MBD5: variants seen among roughly 807,000 people sequenced by gnomAD.
The protein encoded by MBD5 is methyl-CpG binding domain protein 5.
A neutral mutation model predicts 117.3 loss-of-function variants in MBD5; 13 were observed. The ratio of observed to expected loss-of-function variants is 0.11; its 90% confidence interval spans 0.07 to 0.18. MBD5 has a LOEUF of 0.18. Among genes scored for constraint, MBD5 ranks in the 10% least tolerant of loss-of-function variants. The probability of loss-of-function intolerance (pLI) is 1.00; values close to 1 mark genes in which losing one functional copy is unlikely to be tolerated. For synonymous variants in MBD5, 727 were observed against 766.4 expected (o/e 0.95, Z 0.85); for missense variants, 1,879 against 2,093.8 (o/e 0.90, Z 2.00).
intron 2 of MBD5, among the ~76,000 whole-genome samples, chr2:148,202,625 A>T (rs1028817118): frequency 6.6e-6 from 1 of 152,224 alleles, no homozygotes; most frequent in Non-Finnish European, 1.5e-5. Context: ...ACTATTAGTG[A>T]GTTTTGCACT....
At chr2:148,413,964 C>T (rs1361257759) in intron 4 of MBD5, among the ~76,000 whole-genome samples, 1 of 144,756 alleles carries the variant, frequency 6.9e-6, no homozygotes, top group Non-Finnish European at 1.5e-5. Flanking sequence ...GGTTTTTTGC[C>T]TCTTAATTTA....
rs1696314178 is a variant in MBD5 at position 148,104,392 on chromosome 2, C to G, written c.-924-74308C>G. Among the ~76,000 whole-genome samples, 7 of 152,178 alleles carry G rather than the reference C, an allele frequency of 4.6e-5. No homozygotes were observed. In the South Asian group the frequency reaches 1.5e-3, roughly 32 times the overall value. On this transcript the variant is annotated intron_variant, in intron 1 of 13. Coordinates refer to ENST00000642680, the MANE Select transcript of MBD5 (RefSeq NM_001378120.1). Reference sequence around the variant, plus strand: ...AGATGGTGTTTGCAGAGGAAAAGGCCTGAATTTGTTACCCATGAAACACTA... The same window carrying G: ...AGATGGTGTTTGCAGAGGAAAAGGCGTGAATTTGTTACCCATGAAACACTA...
chr2:148,499,243 CAGT>C (rs1313280061), intron 11 of MBD5, among the ~76,000 whole-genome samples: 1 of 152,176 alleles, frequency 6.6e-6, no homozygotes, highest in African/African-American at 2.4e-5. Context: ...GTCGAGGCTG[CAGT>C]GAGCCAAGGT....
intron 4 of MBD5, among the ~76,000 whole-genome samples, chr2:148,447,162 AG>A (rs1374128232): frequency 2.9e-5 from 4 of 139,090 alleles, no homozygotes; most frequent in African/African-American, 1.1e-4. Context: ...AAGGAAAGAA[AG>A]GAAGAAAGGA....
intron 3 of MBD5, among the ~76,000 whole-genome samples, chr2:148,239,707 A>ACACACACT (rs1467824237): frequency 6.6e-6 from 1 of 151,808 alleles, no homozygotes; most frequent in Admixed American, 6.6e-5. Flanking sequence ...ACACACACAC[A>ACACACACT]CACACACACA....
At chr2:148,267,847 T>G (rs1700893003) in intron 3 of MBD5, among the ~76,000 whole-genome samples, 1 of 152,144 alleles carries the variant, frequency 6.6e-6, no homozygotes, top group Non-Finnish European at 1.5e-5. Context: ...TCCCACTGAT[T>G]CTAATAATAC....
chr2:148,294,197 T>G (rs1330429710), intron 3 of MBD5, among the ~76,000 whole-genome samples: 1 of 256 alleles, frequency 3.9e-3, no homozygotes, highest in African/African-American at 5.0e-3. Flanking sequence ...CAGAATGAAG[T>G]TTTTTTTTTT....
intron 4 of MBD5, among the ~76,000 whole-genome samples, chr2:148,416,300 C>T (rs1245497983): frequency 6.6e-6 from 1 of 152,174 alleles, no homozygotes; most frequent in Non-Finnish European, 1.5e-5. Context: ...CAGCTTTGTT[C>T]TCTGGCTCTT....
intron 7 of MBD5, among the ~76,000 whole-genome samples, chr2:148,466,679 G>T (rs976181680): frequency 4.6e-5 from 7 of 152,062 alleles, no homozygotes; most frequent in Admixed American, 1.3e-4. Context: ...AAGAAAATAA[G>T]CTTCAGTTGA....
At chr2:148,442,089 T>A (rs1212071678) in intron 4 of MBD5, among the ~76,000 whole-genome samples, 1 of 151,980 alleles carries the variant, frequency 6.6e-6, no homozygotes, top group East Asian at 1.9e-4. Context: ...TTCTTTGCTG[T>A]GCAGAAGCTC....
In MBD5 at chr2:148,238,989, ACT is replaced by A. The variant is rs559375560; in HGVS notation, c.-680+5597_-680+5598del. On this transcript the variant is annotated intron_variant, in intron 3 of 13. Coordinates refer to ENST00000642680, the MANE Select transcript of MBD5 (RefSeq NM_001378120.1). ...TTGGAGAAACATAATTCAACCCATA[ACT>A]CTATCATATATATATATATATATTA... Among the ~76,000 whole-genome samples, 16 of 146,460 alleles carry A rather than the reference ACT, an allele frequency of 1.1e-4. 1 individual carries two copies. The South Asian group carries it at 3.4e-3, about 32-fold the overall frequency.
At chr2:148,458,170 A>G (rs1055066216) in intron 4 of MBD5, 33 bp from the exon 5 acceptor site, 1 of 398,890 alleles carries the variant, frequency 2.5e-6, no homozygotes, top group Non-Finnish European at 4.4e-6. Flanking sequence ...TCAACATTAA[A>G]TATACAAGTT....
At chr2:148,401,373 C>G (rs1391939051) in intron 4 of MBD5, among the ~76,000 whole-genome samples, 2 of 151,814 alleles carry the variant, frequency 1.3e-5, no homozygotes, top group South Asian at 2.1e-4. Context: ...AACATAGAAA[C>G]AGTTTTATTC....
In MBD5 at chr2:148,068,126, G is replaced by A. The variant is rs576581374; in HGVS notation, c.-925+46442G>A. ...AGAAATATTGGCTCTGGTGGGGCAT[G>A]AAGCCTCTAGGTCAGTGCAGCTCCC... is the stretch of plus-strand genomic sequence containing the variant. On this transcript the variant is annotated intron_variant, in intron 1 of 13. Transcript: ENST00000642680. Among the ~76,000 whole-genome samples the A allele has an allele frequency of 6.6e-5, 10 of 152,234 alleles. No individual in the cohort carries two copies. The South Asian group carries it at 1.9e-3, about 28-fold the overall frequency.
intron 1 of MBD5, among the ~76,000 whole-genome samples, chr2:148,167,979 G>C (rs1356759774): frequency 6.6e-6 from 1 of 152,008 alleles, no homozygotes; most frequent in Non-Finnish European, 1.5e-5. Context: ...TTACCATATT[G>C]CTTTAGACCT....
At chr2:148,062,825 C>T (rs1488806119) in intron 1 of MBD5, among the ~76,000 whole-genome samples, 1 of 151,958 alleles carries the variant, frequency 6.6e-6, no homozygotes, top group Non-Finnish European at 1.5e-5. Context: ...CACTCTTTTT[C>T]TAGAAAGTTT....
chr2:148,229,027 T>A (rs1699914034), intron 2 of MBD5, among the ~76,000 whole-genome samples: 1 of 152,168 alleles, frequency 6.6e-6, no homozygotes, highest in Admixed American at 6.5e-5. Flanking sequence ...TTGCTAGTGG[T>A]CTATCAATTT....
chr2:148,027,289 G>C (rs1421946441), intron 1 of MBD5: 2 of 151,936 alleles, frequency 1.3e-5, no homozygotes, highest in Non-Finnish European at 2.9e-5. Flanking sequence ...AACTTGTTGG[G>C]TTCTCTAGGT....
chr2:148,370,504 T>C (rs1008385717), intron 4 of MBD5, among the ~76,000 whole-genome samples: 4 of 152,100 alleles, frequency 2.6e-5, no homozygotes, highest in African/African-American at 9.7e-5. Flanking sequence ...TATTTATTAT[T>C]TACTTATTTT....
Sources: gnomAD v4.1 joint callset for allele counts (sites outside exome capture counted in the v4.1 genomes callset) on GRCh38, gnomAD v4.1.1 for gene constraint, MANE v1.5 for transcripts, NCBI Gene and HGNC (gene_info 2026-07-23, HGNC 2026-07-21) for gene names.